SLC7A8: variants seen among roughly 807,000 people sequenced by gnomAD.
SLC7A8 encodes the protein solute carrier family 7 member 8.
A neutral mutation model predicts 51.2 loss-of-function variants in SLC7A8; 30 were observed. That is an observed-to-expected ratio of 0.59 (90% CI 0.44 to 0.80). SLC7A8 has a LOEUF of 0.80. SLC7A8 is among the 30% of genes least tolerant of loss of function. SLC7A8 has a pLI of 0.00. For synonymous variants in SLC7A8, 257 were observed against 275.8 expected (o/e 0.93, Z 0.67); for missense variants, 612 against 674.4 (o/e 0.91, Z 1.03).
chr14:23,169,246 T>C (rs1218314588), intron 1 of SLC7A8, among the ~76,000 whole-genome samples: 1 of 152,092 alleles, frequency 6.6e-6, no homozygotes, highest in East Asian at 1.9e-4. Context: ...TAGTCCCAGA[T>C]ACTAGAGAGG....
chr14:23,144,379 A>G lies in SLC7A8; in HGVS notation c.509-1175T>C, dbSNP rs1248593093. ...TTTTTTTTTTGGCTAATAGGCATGT[A>G]GTTGTATTTCATTATGGTTTTGATT... On this transcript the variant is annotated intron_variant, in intron 3 of 10. Transcript: ENST00000316902. Among the ~76,000 whole-genome samples the G allele has an allele frequency of 4.5e-5, 5 of 112,266 alleles. 1 individual carries two copies. Among genetic ancestry groups the G allele is most frequent in the African/African-American group, 1.0e-4 (3 of 29,980 alleles). The allele number at this position is 112,266 out of a possible 152,430, so 73.7% of individuals were successfully genotyped here.
chr14:23,168,631 G>C (rs1470316319), intron 1 of SLC7A8, among the ~76,000 whole-genome samples: 1 of 152,212 alleles, frequency 6.6e-6, no homozygotes, highest in African/African-American at 2.4e-5. Context: ...TACTGAAAAG[G>C]GAGGAGTGTA....
intron 7 of SLC7A8, among the ~76,000 whole-genome samples, chr14:23,132,129 G>A (rs765564135): frequency 4.0e-5 from 6 of 148,364 alleles, no homozygotes; most frequent in Non-Finnish European, 8.9e-5. Flanking sequence ...TCAGCCTCCC[G>A]AGAAGGTGGG....
rs540910121 is a variant in SLC7A8, at chr14:23,183,280, T to G, written c.-366A>C. On this transcript the variant is annotated 5_prime_UTR_variant, in exon 1 of 11. Transcript: ENST00000316902. ...TGGTTCTGCTCTGTGCACCAGGCAG[T>G]GGCTTATTCAGAAAGTGAGCCTGGA... The G allele has an allele frequency of 5.7e-6, 1 of 175,150 alleles. No individual in the cohort carries two copies. Among genetic ancestry groups the G allele is most frequent in the African/African-American group, 2.4e-5 (1 of 42,256 alleles). The allele number at this position is 175,150 out of a possible 1,614,324, so 10.8% of individuals were successfully genotyped here.
chr14:23,129,870 G>A lies in SLC7A8; in HGVS notation c.1114-71C>T, dbSNP rs2140300918. On this transcript the variant is annotated intron_variant, in intron 8 of 10. Transcript: ENST00000316902. ...AGACTGGTATTACAGATTAGGGGCT[G>A]TCCCCCAGCCTCCAGGCAGATGATG... 5 of 1,552,154 alleles carry A rather than the reference G, an allele frequency of 3.2e-6. No individual in the cohort carries two copies. In the South Asian group the frequency reaches 6.0e-5, roughly 18 times the overall value.
At chr14:23,140,832 G>A (rs1416736380) in intron 4 of SLC7A8, among the ~76,000 whole-genome samples, 1 of 152,230 alleles carries the variant, frequency 6.6e-6, no homozygotes, top group Admixed American at 6.5e-5. Context: ...GAAACTACGA[G>A]TCCAAATGAG....
intron 1 of SLC7A8, among the ~76,000 whole-genome samples, chr14:23,175,119 A>G (rs1018018584): frequency 6.6e-6 from 1 of 152,012 alleles, no homozygotes. Context: ...CCACACCTCT[A>G]CCCCACTTCA....
In SLC7A8 at chr14:23,183,112, C is replaced by G. The variant is rs558328992; in HGVS notation, c.-198G>C. The G allele has an allele frequency of 3.3e-4, 49 of 148,082 alleles. No individual in the cohort carries two copies. Among genetic ancestry groups the G allele is most frequent in the Admixed American group, 7.9e-4 (8 of 10,158 alleles). 9.2% of individuals were successfully genotyped at this position (148,082 alleles called of 1,614,324 possible). ...CGCATTCACACTTTCTGGTCACTCG[C>G]GTTTACAAACAAGAAAAGTGTTGCT... On this transcript the variant is annotated 5_prime_UTR_variant, in exon 1 of 11. Transcript: ENST00000316902.
intron 3 of SLC7A8, among the ~76,000 whole-genome samples, chr14:23,143,423 C>G (rs1217692169): frequency 6.6e-6 from 1 of 152,250 alleles, no homozygotes; most frequent in East Asian, 1.9e-4. Flanking sequence ...GCCCAGCATG[C>G]CCTGCTGAGG....
At chr14:23,170,603 C>T (rs193195546) in intron 1 of SLC7A8, among the ~76,000 whole-genome samples, 15 of 152,188 alleles carry the variant, frequency 9.9e-5, no homozygotes, top group African/African-American at 2.6e-4. Context: ...GGATTACAGG[C>T]GTGTGCCACC....
Position 23,166,489 on chromosome 14 carries a change from T to TCTCCAGCAC in SLC7A8, c.202_203insGTGCTGGAG (p.Asn68delinsSerAlaGlyAsp), listed in dbSNP as rs1566372080. The stretch of plus-strand genomic sequence containing the variant: ...GAGAGCAAGGCCCACAGAACCAGCA[T>TCTCCAGCAC]TCTCCAGCACTCCCTTTGGCGAGAC... On this transcript the variant is annotated protein_altering_variant, in exon 2 of 11. Transcript: ENST00000316902. The TCTCCAGCAC allele has an allele frequency of 7.4e-6, 12 of 1,614,156 alleles. No individual in the cohort carries two copies. The highest frequency in any genetic ancestry group is 1.7e-5 in the Admixed American group (1 of 60,018).
chr14:23,149,235 G>T (rs2048825706), intron 3 of SLC7A8, among the ~76,000 whole-genome samples: 2 of 152,180 alleles, frequency 1.3e-5, no homozygotes, highest in African/African-American at 4.8e-5. Flanking sequence ...ATTCAATACA[G>T]TAGCAAACAG....
At chr14:23,137,450 C>T (rs148247452) in intron 7 of SLC7A8, among the ~76,000 whole-genome samples, 13 of 152,288 alleles carry the variant, frequency 8.5e-5, no homozygotes, top group African/African-American at 2.9e-4. Flanking sequence ...CACCTGCAGG[C>T]TAGTTCCAGA....
intron 3 of SLC7A8, among the ~76,000 whole-genome samples, chr14:23,154,917 T>G (rs888369154): frequency 1.3e-4 from 18 of 142,792 alleles, no homozygotes; most frequent in African/African-American, 4.7e-4. Context: ...ATAACTTGTC[T>G]GATAAAGTTA....
At chr14:23,161,913 TGA>T (rs1743041019) in intron 3 of SLC7A8, among the ~76,000 whole-genome samples, 1 of 100,098 alleles carries the variant, frequency 1.0e-5, no homozygotes, top group Non-Finnish European at 1.8e-5. Context: ...GGTGACAGAG[TGA>T]GACTCCATCT....
At chr14:23,181,219 A>G (rs1465227172) in intron 1 of SLC7A8, among the ~76,000 whole-genome samples, 2 of 152,170 alleles carry the variant, frequency 1.3e-5, no homozygotes, top group Non-Finnish European at 2.9e-5. Context: ...TTAAACTGGC[A>G]TGTGCTATAC....
At chr14:23,131,837 C>T (rs949239596) in intron 7 of SLC7A8, among the ~76,000 whole-genome samples, 1 of 152,184 alleles carries the variant, frequency 6.6e-6, no homozygotes, top group African/African-American at 2.4e-5. Flanking sequence ...ATTGTACTGT[C>T]ACTCAGTGGG....
intron 1 of SLC7A8, among the ~76,000 whole-genome samples, chr14:23,169,627 G>A (rs981303978): frequency 1.3e-5 from 2 of 152,074 alleles, no homozygotes; most frequent in Middle Eastern, 3.4e-3. Context: ...GGCTGGTCTC[G>A]ATCTCCTGAC....
chr14:23,130,368 C>A (rs948951327), intron 8 of SLC7A8, among the ~76,000 whole-genome samples: 2 of 152,122 alleles, frequency 1.3e-5, no homozygotes, highest in African/African-American at 4.8e-5. Flanking sequence ...TCATAACATC[C>A]CTATGAGGTT....
Sources: allele counts gnomAD v4.1 joint callset (sites outside exome capture counted in the v4.1 genomes callset), GRCh38; gene constraint gnomAD v4.1.1; transcripts MANE v1.5; gene names NCBI Gene and HGNC (gene_info 2026-07-23, HGNC 2026-07-21).